Variants in MAD1L1 observed in about 807,000 individuals in gnomAD.
The protein encoded by MAD1L1 is mitotic spindle assembly checkpoint protein MAD1.
In MAD1L1, 95 loss-of-function variants were observed where a neutral mutation model predicts 96.9. The ratio of observed to expected loss-of-function variants is 0.98; its 90% CI spans 0.83 to 1.16. The LOEUF (loss-of-function observed/expected upper bound fraction) is 1.16, where lower values mean the gene tolerates loss of function less well. Ranked by LOEUF, MAD1L1 falls within the 50% of genes most tolerant of loss-of-function variation. The pLI is 0.00. For missense variants in MAD1L1, 1,007 were observed against 954.4 expected (o/e 1.06, Z -0.73); for synonymous variants, 473 against 396.6 (o/e 1.19, Z -2.29).
chr7:2,039,120 G>T (rs926138945), intron 12 of MAD1L1, among the ~76,000 whole-genome samples: 11 of 152,218 alleles, frequency 7.2e-5, no homozygotes, highest in African/African-American at 2.7e-4. Flanking sequence ...ATGGGATCAT[G>T]CAGCACACGA....
At chr7:1,943,693 G>A (rs1779102773) in intron 16 of MAD1L1, among the ~76,000 whole-genome samples, 1 of 152,068 alleles carries the variant, frequency 6.6e-6, no homozygotes, top group Admixed American at 6.5e-5. Flanking sequence ...CTCCAATGGT[G>A]AAACGGTTAC....
intron 16 of MAD1L1, among the ~76,000 whole-genome samples, chr7:1,950,221 C>CA (rs1223018644): frequency 6.6e-6 from 1 of 152,244 alleles, no homozygotes; most frequent in Non-Finnish European, 1.5e-5. Flanking sequence ...GGCCAGTCCC[C>CA]AGCACCCTGA....
At chr7:2,206,245 G>A (rs990355949) in intron 10 of MAD1L1, among the ~76,000 whole-genome samples, 1 of 152,114 alleles carries the variant, frequency 6.6e-6, no homozygotes. Context: ...GCACATCTTT[G>A]GTCAGATACA....
At chr7:2,089,529 T>C (rs1381790545) in intron 11 of MAD1L1, among the ~76,000 whole-genome samples, 1 of 152,200 alleles carries the variant, frequency 6.6e-6, no homozygotes, top group Non-Finnish European at 1.5e-5. Flanking sequence ...TTCAGGTATG[T>C]ATCAGCAGCA....
intron 18 of MAD1L1, among the ~76,000 whole-genome samples, chr7:1,817,923 G>A (rs1471123956): frequency 1.3e-5 from 2 of 151,966 alleles, no homozygotes; most frequent in African/African-American, 4.8e-5. Context: ...CTGCCCCAGA[G>A]GCCCTGCGAC....
At chr7:1,894,567 CTG>C (rs1786748506) in intron 18 of MAD1L1, among the ~76,000 whole-genome samples, 1 of 152,186 alleles carries the variant, frequency 6.6e-6, no homozygotes, top group Admixed American at 6.5e-5. Context: ...GGTGAGGAGA[CTG>C]AAACTTGGGG....
intron 12 of MAD1L1, among the ~76,000 whole-genome samples, chr7:2,038,417 A>G (rs986162611): frequency 6.6e-6 from 1 of 150,666 alleles, no homozygotes; most frequent in Non-Finnish European, 1.5e-5. Flanking sequence ...GGGCTTTTAC[A>G]GTTACAGAGG....
rs1789150140 is a variant in MAD1L1 at position 1,927,377 on chromosome 7, CTGAATGTAAATCT to C, written c.1807+9297_1807+9309del. 2.0e-5 allele frequency among the ~76,000 whole-genome samples: 3 copies of C among 152,176 alleles called. No individual in the cohort carries two copies. In the South Asian group the frequency reaches 6.2e-4, roughly 32 times the overall value. On this transcript the variant is annotated intron_variant, in intron 17 of 18. Coordinates refer to ENST00000265854, the MANE Select transcript of MAD1L1 (RefSeq NM_001013836.2). Reference sequence around the variant, plus strand: ...CAGGCGTTTTGCAGGTAAAGACAAGCTGAATGTAAATCTTGTCCATAAAGTGGGGGATTGTGCT... The same window carrying C: ...CAGGCGTTTTGCAGGTAAAGACAAGCTGTCCATAAAGTGGGGGATTGTGCT...
intron 15 of MAD1L1, among the ~76,000 whole-genome samples, chr7:1,977,169 G>A (rs1015119316): frequency 6.6e-6 from 1 of 152,246 alleles, no homozygotes; most frequent in South Asian, 2.1e-4. Context: ...AGGGGGCCGC[G>A]CCGTCGGGGA....
chr7:1,817,959 T>C (rs1320013879), intron 18 of MAD1L1, among the ~76,000 whole-genome samples: 1 of 152,012 alleles, frequency 6.6e-6, no homozygotes, highest in Non-Finnish European at 1.5e-5. Context: ...ACCTCCTGTT[T>C]CTCAGGAGCC....
chr7:2,209,701 G>T (rs942791012), intron 10 of MAD1L1, among the ~76,000 whole-genome samples: 3 of 152,266 alleles, frequency 2.0e-5, no homozygotes, highest in Admixed American at 2.0e-4. Context: ...CTCGGGCCTC[G>T]GCAAGCCCCA....
intron 17 of MAD1L1, among the ~76,000 whole-genome samples, chr7:1,901,797 G>A (rs577233487): frequency 2.0e-5 from 3 of 152,290 alleles, no homozygotes; most frequent in South Asian, 2.1e-4. Flanking sequence ...TTCCCTGCCC[G>A]GGGATGTTGA....
chr7:1,833,713 G>A (rs1782814052), intron 18 of MAD1L1, among the ~76,000 whole-genome samples: 1 of 152,218 alleles, frequency 6.6e-6, no homozygotes, highest in Non-Finnish European at 1.5e-5. Context: ...GGCCGAGGCA[G>A]GTGGATCACC....
intron 15 of MAD1L1, among the ~76,000 whole-genome samples, chr7:1,971,321 G>A (rs941779772): frequency 1.3e-5 from 2 of 152,222 alleles, no homozygotes; most frequent in African/African-American, 2.4e-5. Context: ...ACAGGCTACA[G>A]TTGGTCTTTC....
In MAD1L1 at chr7:2,088,270, C is replaced by T. The variant is rs992084867; in HGVS notation, c.1074-18932G>A. ...TGAAACCTGCCGACGGGCCTGTTGC[C>T]GCTGGAACACAATCCAGGCCCCCAT... On this transcript the variant is annotated intron_variant, in intron 11 of 18. Coordinates refer to ENST00000265854, the MANE Select transcript of MAD1L1 (RefSeq NM_001013836.2). This position sits in a 1 kb window ranked among gnomAD's most constrained non-coding sequence, Gnocchi z 4.4. Among the ~76,000 whole-genome samples, 1 of 152,222 alleles carries T rather than the reference C, an allele frequency of 6.6e-6. No individual in the cohort carries two copies. Among genetic ancestry groups the T allele is most frequent in the Non-Finnish European group, 1.5e-5 (1 of 68,046 alleles).
intron 13 of MAD1L1, among the ~76,000 whole-genome samples, chr7:2,006,291 T>C (rs1454030717): frequency 1.3e-5 from 2 of 151,364 alleles, no homozygotes; most frequent in Non-Finnish European, 2.9e-5. Context: ...AAAAAGAATG[T>C]TTTACATGGG....
intron 12 of MAD1L1, among the ~76,000 whole-genome samples, chr7:2,066,403 C>T (rs1039358105): frequency 6.6e-6 from 1 of 152,258 alleles, no homozygotes; most frequent in Non-Finnish European, 1.5e-5. Context: ...ACGGATCCTG[C>T]ATCCCTGGCC....
At chr7:2,232,264 G>C (rs1360075140) in intron 1 of MAD1L1, among the ~76,000 whole-genome samples, 1 of 152,244 alleles carries the variant, frequency 6.6e-6, no homozygotes, top group Non-Finnish European at 1.5e-5. Flanking sequence ...TGCAAGCAGA[G>C]GCCTGAGCTC....
At chr7:2,098,815 C>T (rs1245111423) in intron 11 of MAD1L1, among the ~76,000 whole-genome samples, 1 of 152,198 alleles carries the variant, frequency 6.6e-6, no homozygotes. Context: ...CAAGGCCCGG[C>T]GTCCCCAGAG....
Sources: gnomAD v4.1 joint callset for allele counts (sites outside exome capture counted in the v4.1 genomes callset) on GRCh38, gnomAD v4.1.1 for gene constraint, Gnocchi (gnomAD v3.1) non-coding constraint, MANE v1.5 for transcripts, NCBI Gene and HGNC (gene_info 2026-07-23, HGNC 2026-07-21) for gene names.